Variants in OLFM2 observed in about 807,000 individuals in gnomAD.
OLFM2 encodes the protein olfactomedin 2.
Under a neutral mutation model 43.9 loss-of-function variants are expected in OLFM2, and 20 were observed. The ratio of observed to expected loss-of-function variants is 0.46; its 90% CI spans 0.32 to 0.66. The LOEUF (loss-of-function observed/expected upper bound fraction) is 0.66. Ranked by LOEUF, OLFM2 falls within the 30% of genes least tolerant of loss-of-function variation. The pLI is 0.04. For missense variants in OLFM2, 416 were observed against 643.6 expected (o/e 0.65, Z 3.83); for synonymous variants, 268 against 278.6 (o/e 0.96, Z 0.38).
At chr19:9,860,622 C>A in intron 2 of OLFM2, 23 bp downstream of exon 2, 1 of 1,565,628 alleles carries the variant, frequency 6.4e-7, no homozygotes, top group South Asian at 1.2e-5. Context: ...CAGCTGCCCC[C>A]AGGGTACCTG....
At chr19:9,904,273 C>G (rs1053550790) in intron 1 of OLFM2, among the ~76,000 whole-genome samples, 1 of 151,594 alleles carries the variant, frequency 6.6e-6, no homozygotes, top group Non-Finnish European at 1.5e-5. Flanking sequence ...TCTATGCAAC[C>G]TCCGCCTCCC....
intron 1 of OLFM2, among the ~76,000 whole-genome samples, chr19:9,878,203 G>T (rs756110943): frequency 4.6e-5 from 7 of 151,986 alleles, no homozygotes; most frequent in Non-Finnish European, 1.0e-4. Flanking sequence ...CAAACAGGCC[G>T]GGACACATAC....
intron 1 of OLFM2, among the ~76,000 whole-genome samples, chr19:9,893,323 C>T (rs2046653992): frequency 6.6e-6 from 1 of 152,126 alleles, no homozygotes; most frequent in Admixed American, 6.6e-5. Flanking sequence ...TACCACCATG[C>T]CCAGCTAATT....
rs1555727272 is a variant in OLFM2 at position 9,900,988 on chromosome 19, A to AAGGG, written c.63+35312_63+35315dup. Reference sequence around the variant, plus strand: ...GAAGGAAGGAAGGAAGGAAGGAAGGAAGGGAGGGAGGGGGGAGGGAGGGAA... The same window carrying AAGGG: ...GAAGGAAGGAAGGAAGGAAGGAAGGAAGGGAGGGAGGGAGGGGGGAGGGAGGGAA... On this transcript the variant is annotated intron_variant, in intron 1 of 5. Coordinates refer to ENST00000264833, the MANE Select transcript of OLFM2 (RefSeq NM_058164.4). Among the ~76,000 whole-genome samples, 173 of 28,386 alleles carry AAGGG rather than the reference A, an allele frequency of 6.1e-3. 22 individuals carry two copies. In the East Asian group the frequency reaches 0.13, roughly 22 times the overall value. 18.6% of individuals were successfully genotyped at this position (28,386 alleles called of 152,430 possible). A position where few individuals can be genotyped will look rare whatever the true frequency, so the allele number is the denominator to read the frequency against.
intron 1 of OLFM2, among the ~76,000 whole-genome samples, chr19:9,890,629 A>G (rs1056185541): frequency 7.9e-5 from 12 of 152,268 alleles, no homozygotes; most frequent in Middle Eastern, 3.4e-3. Flanking sequence ...ATGCCTTTTA[A>G]ACGGCAGTGA....
At chr19:9,923,525 C>G (rs2086432903) in intron 1 of OLFM2, among the ~76,000 whole-genome samples, 1 of 144,994 alleles carries the variant, frequency 6.9e-6, no homozygotes, top group South Asian at 2.2e-4. Flanking sequence ...CCACTGCACT[C>G]CAGCCTAGGC....
intron 1 of OLFM2, among the ~76,000 whole-genome samples, chr19:9,924,188 A>G (rs1342640941): frequency 7.0e-6 from 1 of 142,538 alleles, no homozygotes; most frequent in Non-Finnish European, 1.5e-5. Context: ...AGGCAGGCAG[A>G]TCACGAGGTC....
chr19:9,913,506 G>A (rs866938387), intron 1 of OLFM2: 1 of 1,146,484 alleles, frequency 8.7e-7, no homozygotes, highest in Non-Finnish European at 1.1e-6. Context: ...GCGCCCGCAC[G>A]GGACACGGTG....
intron 1 of OLFM2, among the ~76,000 whole-genome samples, chr19:9,894,409 T>TA (rs1204703585): frequency 1.8e-4 from 18 of 100,524 alleles, no homozygotes; most frequent in East Asian, 7.7e-4. Context: ...ATAATAATAA[T>TA]AATAAATAAA....
chr19:9,887,117 C>T (rs142357125), intron 1 of OLFM2, among the ~76,000 whole-genome samples: 1 of 152,310 alleles, frequency 6.6e-6, no homozygotes, highest in African/African-American at 2.4e-5. Context: ...ACATCTCTGG[C>T]ATTCAAGAAT....
At chr19:9,927,021 C>T (rs933087440) in intron 1 of OLFM2, among the ~76,000 whole-genome samples, 3 of 151,674 alleles carry the variant, frequency 2.0e-5, no homozygotes, top group African/African-American at 7.3e-5. Flanking sequence ...CGGTGGCTGA[C>T]GCCTGTAATC....
At chr19:9,909,644 G>A (rs1006454338) in intron 1 of OLFM2, among the ~76,000 whole-genome samples, 2 of 152,134 alleles carry the variant, frequency 1.3e-5, no homozygotes, top group African/African-American at 4.8e-5. Flanking sequence ...TCCTGACTTT[G>A]GGAATCCATA....
chr19:9,904,496 T>C (rs1450722890), intron 1 of OLFM2, among the ~76,000 whole-genome samples: 1 of 151,880 alleles, frequency 6.6e-6, no homozygotes, highest in African/African-American at 2.4e-5. Flanking sequence ...CAGCCCAGTC[T>C]GAGTATTATA....
chr19:9,923,669 A>AAAAAG (rs1375995438), intron 1 of OLFM2, among the ~76,000 whole-genome samples: 2 of 144,414 alleles, frequency 1.4e-5, no homozygotes, highest in African/African-American at 2.9e-5. Flanking sequence ...AAAAGAAAGA[A>AAAAAG]AAAAGAAAAG....
intron 1 of OLFM2, among the ~76,000 whole-genome samples, chr19:9,919,185 G>A (rs1308896232): frequency 3.2e-5 from 3 of 92,796 alleles, no homozygotes; most frequent in African/African-American, 9.5e-5. Context: ...TCTTTTTTTT[G>A]AGATGGAGTC....
chr19:9,888,792 C>T (rs369274816), intron 1 of OLFM2, among the ~76,000 whole-genome samples: 2 of 152,100 alleles, frequency 1.3e-5, no homozygotes, highest in African/African-American at 4.8e-5. Flanking sequence ...TTCTGCCGGG[C>T]ACGGTGGCTC....
intron 1 of OLFM2, among the ~76,000 whole-genome samples, chr19:9,888,695 G>T (rs1254334499): frequency 6.6e-6 from 1 of 152,088 alleles, no homozygotes; most frequent in African/African-American, 2.4e-5. Context: ...GTTTTTACCT[G>T]TTTTTGTTCA....
At chr19:9,922,966 C>A (rs1599502466) in intron 1 of OLFM2, among the ~76,000 whole-genome samples, 1 of 151,176 alleles carries the variant, frequency 6.6e-6, no homozygotes, top group East Asian at 1.9e-4. Flanking sequence ...AAGACAACAC[C>A]AAGTGTTGGG....
intron 1 of OLFM2, among the ~76,000 whole-genome samples, chr19:9,920,557 T>C (rs922790492): frequency 3.3e-5 from 5 of 152,000 alleles, no homozygotes; most frequent in Admixed American, 6.6e-5. Context: ...CTCTTCCCCA[T>C]CATCATCACT....
Sources: gnomAD v4.1 joint callset for allele counts (sites outside exome capture counted in the v4.1 genomes callset) on GRCh38, gnomAD v4.1.1 for gene constraint, MANE v1.5 for transcripts, NCBI Gene and HGNC (gene_info 2026-07-23, HGNC 2026-07-21) for gene names.